SLIT2: variants seen among roughly 807,000 people sequenced by gnomAD.
SLIT2 encodes slit guidance ligand 2.
A neutral mutation model predicts 185.7 loss-of-function variants in SLIT2; 41 were observed. The ratio of observed to expected loss-of-function variants is 0.22; its 90% CI spans 0.17 to 0.29. The LOEUF (loss-of-function observed/expected upper bound fraction) is 0.29. SLIT2 is among the 10% of genes least tolerant of loss of function. The probability of loss-of-function intolerance (pLI) is 1.00; values close to 1 mark genes in which losing one functional copy is unlikely to be tolerated. For missense variants in SLIT2, 1,571 were observed against 1,909.0 expected, an observed-to-expected ratio of 0.82 and a Z score of 3.30; for synonymous variants, 693 against 680.2, an observed-to-expected ratio of 1.02 and a Z score of -0.29.
intron 11 of SLIT2, among the ~76,000 whole-genome samples, chr4:20,512,753 G>A (rs1719869439): frequency 6.6e-6 from 1 of 152,098 alleles, no homozygotes; most frequent in Non-Finnish European, 1.5e-5. Context: ...CACAATTTTG[G>A]TCCTCAAAGA....
At chr4:20,399,108 A>G (rs1726156399) in intron 4 of SLIT2, among the ~76,000 whole-genome samples, 1 of 151,744 alleles carries the variant, frequency 6.6e-6, no homozygotes, top group South Asian at 2.1e-4. Flanking sequence ...CTACTAAAAT[A>G]AAAAATATTA....
chr4:20,539,335 T>C, intron 18 of SLIT2, 106 bp from the exon 19 acceptor site: 1 of 924,666 alleles, frequency 1.1e-6, no homozygotes, highest in South Asian at 1.8e-5. Flanking sequence ...TTTTAAAAAG[T>C]AGTAATGAAT....
chr4:20,579,995 G>C (rs1488340334), intron 29 of SLIT2, among the ~76,000 whole-genome samples: 3 of 140,770 alleles, frequency 2.1e-5, no homozygotes, highest in Admixed American at 1.4e-4. Flanking sequence ...TATTTAATAT[G>C]TAATATATCA....
At chr4:20,613,119 A>G (rs1023990565) in intron 34 of SLIT2, among the ~76,000 whole-genome samples, 3 of 152,148 alleles carry the variant, frequency 2.0e-5, no homozygotes, top group Non-Finnish European at 4.4e-5. Context: ...CTAAAAATAG[A>G]GCTACCATTC....
rs781129571 is a variant in SLIT2, at chr4:20,542,562, G to A, written c.2212G>A (p.Val738Ile). Reference sequence around the variant, plus strand: ...TGAATGTACTTGCTTGGATACAGTCGTCCGATGTAGCAACAAGGGTTTGAA... The same window carrying A: ...TGAATGTACTTGCTTGGATACAGTCATCCGATGTAGCAACAAGGGTTTGAA... ...PTECTCLDTV[V>I]RCSNKGLKVL... The change falls in exon 21 of 37, where the codon GTC becomes ATC. Residue 738 changes from valine to isoleucine, a missense_variant. By Grantham distance (29) the Val-to-Ile change is conservative (BLOSUM62 3). Coordinates refer to ENST00000504154, the MANE Select transcript of SLIT2 (RefSeq NM_004787.4). 1.7e-5 allele frequency: 27 copies of A among 1,613,646 alleles called. No homozygotes were observed. Among genetic ancestry groups the A allele is most frequent in the Admixed American group, 1.5e-4 (9 of 59,972 alleles).
chr4:20,327,548 A>C (rs1214540059), intron 4 of SLIT2, among the ~76,000 whole-genome samples: 1 of 152,028 alleles, frequency 6.6e-6, no homozygotes, highest in East Asian at 1.9e-4. Context: ...AATAATTGGC[A>C]AGCATTATTT....
intron 4 of SLIT2, among the ~76,000 whole-genome samples, chr4:20,461,974 G>A (rs946022855): frequency 6.6e-6 from 1 of 152,124 alleles, no homozygotes; most frequent in Non-Finnish European, 1.5e-5. Flanking sequence ...TGGAGAAAGG[G>A]ACTTGACTGG....
chr4:20,593,281 A>T (rs16869776), intron 30 of SLIT2, among the ~76,000 whole-genome samples: 5,115 of 152,256 alleles, frequency 0.034, 111 homozygotes, highest in South Asian at 0.075. Flanking sequence ...AGGTGGAATT[A>T]TATACGTGTT....
chr4:20,323,852 A>T (rs1719312355), intron 4 of SLIT2, among the ~76,000 whole-genome samples: 1 of 152,188 alleles, frequency 6.6e-6, no homozygotes, highest in African/African-American at 2.4e-5. Flanking sequence ...TGTGCCTTGC[A>T]CAGTATATTG....
At chr4:20,495,415 G>A (rs766810389) in intron 9 of SLIT2, among the ~76,000 whole-genome samples, 1 of 152,068 alleles carries the variant, frequency 6.6e-6, no homozygotes, top group African/African-American at 2.4e-5. Context: ...TAGGGAAGGG[G>A]AACAAAAAGC....
At chr4:20,260,898 T>A (rs1283401053) in intron 3 of SLIT2, among the ~76,000 whole-genome samples, 3 of 151,768 alleles carry the variant, frequency 2.0e-5, no homozygotes, top group Non-Finnish European at 4.4e-5. Flanking sequence ...CTTCTTTTTT[T>A]CTTCCATTTT....
chr4:20,490,405 A>G (rs1717677549), intron 8 of SLIT2, among the ~76,000 whole-genome samples: 1 of 151,038 alleles, frequency 6.6e-6, no homozygotes, highest in African/African-American at 2.5e-5. Context: ...ACACACCCCC[A>G]TACATAGTAT....
intron 4 of SLIT2, among the ~76,000 whole-genome samples, chr4:20,306,150 C>G (rs1717526658): frequency 6.6e-6 from 1 of 151,970 alleles, no homozygotes; most frequent in Non-Finnish European, 1.5e-5. Context: ...AAGAAAAATT[C>G]TGAAACTGAA....
chr4:20,345,522 C>A (rs532727140), intron 4 of SLIT2, among the ~76,000 whole-genome samples: 6 of 141,948 alleles, frequency 4.2e-5, no homozygotes, highest in African/African-American at 1.6e-4. Flanking sequence ...TTTTCTTTTT[C>A]TTTTTTCCTT....
chr4:20,338,407 T>G (rs1010145340), intron 4 of SLIT2, among the ~76,000 whole-genome samples: 1 of 152,164 alleles, frequency 6.6e-6, no homozygotes, highest in Non-Finnish European at 1.5e-5. Context: ...CCTAAAAGAT[T>G]CAGAAAATGA....
intron 11 of SLIT2, among the ~76,000 whole-genome samples, chr4:20,518,118 C>CATATATATACATATACATATATTT (rs1560494245): frequency 4.3e-5 from 6 of 139,736 alleles, no homozygotes; most frequent in East Asian, 2.0e-4. Flanking sequence ...TATACATATA[C>CATATATATACATATACATATATTT]ATATATATAC....
chr4:20,486,357 C>A, intron 7 of SLIT2, 86 bp downstream of exon 7: 2 of 775,036 alleles, frequency 2.6e-6, no homozygotes. Context: ...AAGGACAGGA[C>A]CACTGGTTTA....
Position 20,254,953 on chromosome 4 carries a change from C to G in SLIT2, c.179+959C>G. On this transcript the variant is annotated intron_variant, in intron 1 of 36. Transcript: ENST00000504154. This position sits in a 1 kb window ranked among gnomAD's most constrained non-coding sequence, Gnocchi z 5.1. The stretch of plus-strand genomic sequence containing the variant: ...TCTCTAATGAAGAAGTAAATGCAGA[C>G]CCGGTGTTGACGGCCCACGCGCTCC... 2.2e-6 allele frequency: 1 copy of G among 456,310 alleles called. No homozygotes were observed. The highest frequency in any genetic ancestry group is 1.5e-5 in the South Asian group (1 of 64,574). The allele number at this position is 456,310 out of a possible 1,614,324, so 28.3% of individuals were successfully genotyped here. A position where few individuals can be genotyped will look rare whatever the true frequency, so the allele number is the denominator to read the frequency against.
Position 20,358,777 on chromosome 4 carries a change from A to G in SLIT2, c.395+89896A>G, listed in dbSNP as rs1722528129. 2.0e-5 allele frequency among the ~76,000 whole-genome samples: 3 copies of G among 152,144 alleles called. No homozygotes were observed. In the South Asian group the frequency reaches 6.2e-4, roughly 32 times the overall value. On this transcript the variant is annotated intron_variant, in intron 4 of 36. Transcript: ENST00000504154. ...ACTTTCTAATTAATGTGAAAAAAAG[A>G]CAGTATTTCTGATAGCATATACAGC...
Sources: allele counts gnomAD v4.1 joint callset (sites outside exome capture counted in the v4.1 genomes callset), GRCh38; gene constraint gnomAD v4.1.1; non-coding constraint Gnocchi (gnomAD v3.1); transcripts MANE v1.5; gene names NCBI Gene and HGNC (gene_info 2026-07-23, HGNC 2026-07-21).